The following FBXL7 variants were observed in gnomAD, a reference collection of about 807,000 sequenced individuals.
FBXL7 encodes F-box and leucine rich repeat protein 7.
A neutral mutation model predicts 38.3 loss-of-function variants in FBXL7; 12 were observed. The observed-to-expected ratio is 0.31, with a 90% CI of 0.20 to 0.51. The LOEUF (loss-of-function observed/expected upper bound fraction) is 0.51, where lower values mean the gene tolerates loss of function less well. Ranked by LOEUF, FBXL7 falls within the 20% of genes least tolerant of loss-of-function variation. The pLI is 0.98. For synonymous variants in FBXL7, 297 were observed against 300.9 expected (o/e 0.99, Z 0.13); for missense variants, 567 against 676.4 (o/e 0.84, Z 1.79).
intron 2 of FBXL7, among the ~76,000 whole-genome samples, chr5:15,740,844 G>A (rs762635602): frequency 6.6e-6 from 1 of 152,218 alleles, no homozygotes; most frequent in Non-Finnish European, 1.5e-5. Context: ...CATAGGCACA[G>A]TTGTCAGAGG....
rs1742569427 is a variant in FBXL7, at chr5:15,673,945, C to T, written c.127+57873C>T. On this transcript the variant is annotated intron_variant, in intron 2 of 3. Coordinates refer to ENST00000504595, the MANE Select transcript of FBXL7 (RefSeq NM_012304.5). ...GCAATTCCCTGAGCAGATTATCTTG[C>T]AAGTGAGAACGTGCGTTTGGATGTA... Among the ~76,000 whole-genome samples, 3 of 152,184 alleles carry T rather than the reference C, an allele frequency of 2.0e-5. No individual in the cohort carries two copies. The South Asian group carries it at 6.2e-4, about 31-fold the overall frequency.
At chr5:15,657,767 G>A (rs1741929092) in intron 2 of FBXL7, among the ~76,000 whole-genome samples, 1 of 151,958 alleles carries the variant, frequency 6.6e-6, no homozygotes, top group Admixed American at 6.6e-5. Flanking sequence ...GAACCCAGAA[G>A]GCGAAGTTTG....
intron 2 of FBXL7, among the ~76,000 whole-genome samples, chr5:15,635,778 G>A (rs770525201): frequency 1.2e-4 from 19 of 152,162 alleles, no homozygotes; most frequent in Admixed American, 5.9e-4. Context: ...CTTTGAGAGA[G>A]GACAAACCTG....
rs543198480 is a variant in FBXL7 at position 15,769,898 on chromosome 5, G to A, written c.127+153826G>A. On this transcript the variant is annotated intron_variant, in intron 2 of 3. Coordinates refer to ENST00000504595, the MANE Select transcript of FBXL7 (RefSeq NM_012304.5). ...GCAGGCCGAAGGGTATGTGAGACCC[G>A]ATTGTGCTACCTTTGAAACTTTTTT... Among the ~76,000 whole-genome samples, 77 of 152,222 alleles carry A rather than the reference G, an allele frequency of 5.1e-4. No individual in the cohort carries two copies. The Middle Eastern group carries it at 0.017, about 34-fold the overall frequency.
At chr5:15,738,356 T>C (rs934307868) in intron 2 of FBXL7, among the ~76,000 whole-genome samples, 2 of 152,202 alleles carry the variant, frequency 1.3e-5, no homozygotes, top group African/African-American at 2.4e-5. Flanking sequence ...CCAAAAAATA[T>C]ATAATTAGGA....
intron 2 of FBXL7, among the ~76,000 whole-genome samples, chr5:15,850,388 T>C (rs975101865): frequency 4.6e-5 from 7 of 152,116 alleles, no homozygotes; most frequent in African/African-American, 9.7e-5. Context: ...CCTTGCAGAG[T>C]AGCTTCTAGC....
At chr5:15,752,216 C>G (rs10037873) in intron 2 of FBXL7, among the ~76,000 whole-genome samples, 241 of 152,184 alleles carry the variant, frequency 1.6e-3, no homozygotes, top group African/African-American at 5.3e-3. Context: ...GTGACATATA[C>G]CTACGTAACA....
chr5:15,681,479 G>C (rs1287722105), intron 2 of FBXL7, among the ~76,000 whole-genome samples: 1 of 152,168 alleles, frequency 6.6e-6, no homozygotes, highest in Non-Finnish European at 1.5e-5. Context: ...TTACAGATTT[G>C]TCAAATTAGA....
At chr5:15,731,083 A>G (rs1735570781) in intron 2 of FBXL7, among the ~76,000 whole-genome samples, 1 of 152,214 alleles carries the variant, frequency 6.6e-6, no homozygotes, top group Non-Finnish European at 1.5e-5. Context: ...CCCCAGAGAC[A>G]TAACCGTCTG....
chr5:15,679,257 C>A (rs948120998), intron 2 of FBXL7, among the ~76,000 whole-genome samples: 1 of 152,128 alleles, frequency 6.6e-6, no homozygotes, highest in African/African-American at 2.4e-5. Context: ...TTCAACAATC[C>A]TCCCTGAAAG....
intron 2 of FBXL7, among the ~76,000 whole-genome samples, chr5:15,814,198 C>T (rs1737945324): frequency 6.6e-6 from 1 of 152,060 alleles, no homozygotes; most frequent in Non-Finnish European, 1.5e-5. Flanking sequence ...CAATGATAGG[C>T]TGGATAAAGA....
At chr5:15,574,836 A>G (rs1738903439) in intron 1 of FBXL7, among the ~76,000 whole-genome samples, 1 of 152,212 alleles carries the variant, frequency 6.6e-6, no homozygotes, top group Non-Finnish European at 1.5e-5. Context: ...ATGGAAAGTA[A>G]GAAAACAACA....
intron 2 of FBXL7, among the ~76,000 whole-genome samples, chr5:15,770,371 T>C (rs1366770593): frequency 1.3e-5 from 2 of 152,174 alleles, no homozygotes; most frequent in African/African-American, 2.4e-5. Context: ...ACAAAAAGTA[T>C]TTCTAGAAAA....
At chr5:15,500,755 T>A in intron 1 of FBXL7, 42 bp downstream of exon 1, 1 of 1,592,166 alleles carries the variant, frequency 6.3e-7, no homozygotes, top group Non-Finnish European at 8.6e-7. Context: ...ATCGCGTCCC[T>A]CCTCCCCTTT....
chr5:15,916,411 C>CA (rs1360985740), intron 2 of FBXL7, among the ~76,000 whole-genome samples: 5 of 152,088 alleles, frequency 3.3e-5, no homozygotes, highest in African/African-American at 1.2e-4. Flanking sequence ...TTTGGGGAGT[C>CA]ATTAGCTTAT....
chr5:15,829,431 A>G (rs1328567897), intron 2 of FBXL7, among the ~76,000 whole-genome samples: 1 of 152,240 alleles, frequency 6.6e-6, no homozygotes, highest in African/African-American at 2.4e-5. Flanking sequence ...TTTTAAAACC[A>G]TGTTCTATAT....
chr5:15,901,008 CAT>C (rs373992723), intron 2 of FBXL7, among the ~76,000 whole-genome samples: 4 of 152,198 alleles, frequency 2.6e-5, no homozygotes, highest in Admixed American at 2.6e-4. Context: ...TTCAAAAACA[CAT>C]GTGGAAAAAT....
intron 2 of FBXL7, among the ~76,000 whole-genome samples, chr5:15,807,691 T>C (rs1339859286): frequency 6.6e-6 from 1 of 151,840 alleles, no homozygotes; most frequent in African/African-American, 2.4e-5. Flanking sequence ...TTCTTTTTTT[T>C]TTTACATTGC....
chr5:15,632,289 T>C (rs2126542544), intron 2 of FBXL7, among the ~76,000 whole-genome samples: 1 of 152,324 alleles, frequency 6.6e-6, no homozygotes, highest in African/African-American at 2.4e-5. Flanking sequence ...TAGAAAATTT[T>C]ATTTTTTTTA....
Sources: gnomAD v4.1 joint callset for allele counts (sites outside exome capture counted in the v4.1 genomes callset) on GRCh38, gnomAD v4.1.1 for gene constraint, MANE v1.5 for transcripts, NCBI Gene and HGNC (gene_info 2026-07-23, HGNC 2026-07-21) for gene names.